Variants in GRM6 observed in about 807,000 individuals in gnomAD.
GRM6 encodes metabotropic glutamate receptor 6.
A neutral mutation model predicts 78.4 loss-of-function variants in GRM6; 73 were observed. The ratio of observed to expected loss-of-function variants is 0.93; its 90% CI spans 0.77 to 1.13. The LOEUF (loss-of-function observed/expected upper bound fraction) is 1.13, where lower values mean the gene tolerates loss of function less well. Ranked by LOEUF, GRM6 falls within the 50% of genes most tolerant of loss-of-function variation. The pLI, the probability that GRM6 is intolerant of heterozygous loss-of-function variation, is 0.00. For synonymous variants in GRM6, 580 were observed against 555.0 expected, an observed-to-expected ratio of 1.05 and a Z score of -0.63; for missense variants, 1,251 against 1,256.4, an observed-to-expected ratio of 1.00 and a Z score of 0.07.
rs1343720206 is a variant in GRM6, at chr5:178,994,746, G to A, written c.199C>T (p.His67Tyr). Residue 67 changes from histidine (H) to tyrosine (Y), a missense_variant, in exon 2 of 11, where the codon CAC becomes TAC. Transcript: ENST00000517717. The stretch of plus-strand genomic sequence containing the variant: ...GCGTACAGCATGGCCTCCAGCCGGT[G>A]CACGCCCTGCTCCTTCTTCAGCTGC... ...CGQLKKEQGV[H>Y]RLEAMLYALD... The A allele has an allele frequency of 7.0e-7, 1 of 1,438,690 alleles. No homozygotes were observed. The highest frequency in any genetic ancestry group is 9.1e-7 in the Non-Finnish European group (1 of 1,094,102). The allele number at this position is 1,438,690 out of a possible 1,614,324, so 89.1% of individuals were successfully genotyped here.
rs949807558 is a variant in GRM6 at position 178,988,748 on chromosome 5, G to A, written c.1354+187C>T. 1.3e-5 allele frequency among the ~76,000 whole-genome samples: 2 copies of A among 152,132 alleles called. No homozygotes were observed. Among genetic ancestry groups the A allele is most frequent in the Non-Finnish European group, 2.9e-5 (2 of 68,010 alleles). ...CAGCGCAGGGAACACTGAAGCCTGGGGAGGGAGCAGTGTTAAAAATTGGGG... is the reference window on the plus strand; with the variant it reads ...CAGCGCAGGGAACACTGAAGCCTGGAGAGGGAGCAGTGTTAAAAATTGGGG... On this transcript the variant is annotated intron_variant, in intron 7 of 10. Coordinates refer to ENST00000517717, the MANE Select transcript of GRM6 (RefSeq NM_000843.4). The surrounding 1 kb of genome is among the most constrained non-coding windows in gnomAD (Gnocchi z 6.0).
chr5:178,985,588 A>G (rs977181683), intron 9 of GRM6: 30 of 349,656 alleles, frequency 8.6e-5, no homozygotes, highest in African/African-American at 3.0e-4. Flanking sequence ...CTGTAGTCCC[A>G]GCTACTCGGG....
rs752889648 is a variant in GRM6 at position 178,986,681 on chromosome 5, C to T, written c.1573G>A (p.Gly525Arg). 13 of 1,603,614 alleles carry T rather than the reference C, an allele frequency of 8.1e-6. No individual in the cohort carries two copies. The highest frequency in any genetic ancestry group is 4.4e-5 in the South Asian group (4 of 91,092). Residue 525 changes from glycine to arginine, a missense_variant, in exon 9 of 11, where the codon GGG becomes AGG. By Grantham distance (125) the Gly-to-Arg change is moderately radical. Transcript: ENST00000517717. Reference protein sequence around the residue: ...SSLCSLPCGPGERKKMVKGVP... With the variant: ...SSLCSLPCGPRERKKMVKGVP... ...CCCTTCACCATCTTCTTCCGCTCCC[C>T]CGGCCCGCAGGGCAGGCTGCACAGA...
chr5:178,986,348 C>G lies in GRM6; in HGVS notation c.1906G>C (p.Ala636Pro). 1.2e-6 allele frequency: 2 copies of G among 1,614,098 alleles called. No homozygotes were observed. The highest frequency in any genetic ancestry group is 2.2e-5 in the South Asian group (2 of 91,074). The change falls in exon 9 of 11, where the codon GCC becomes CCC. Residue 636 changes from alanine (A) to proline (P), a missense_variant. Ala to Pro is a conservative substitution (Grantham distance 27, BLOSUM62 -1). Transcript: ENST00000517717. Reference protein sequence around the residue: ...VLLTGIFLIYAITFLMVAEPG... With the variant: ...VLLTGIFLIYPITFLMVAEPG... ...TCAGCCACCATGAGGAAGGTGATGG[C>G]GTAGATGAGGAAGATGCCGGTGAGG...
Position 178,991,506 on chromosome 5 carries a change from C to A in GRM6, c.775G>T (p.Glu259Ter). The change falls in exon 4 of 11, where the codon GAG becomes TAG. Residue 259 changes from glutamate (E) to a stop codon, truncating the protein, a stop_gained. Coordinates refer to ENST00000517717, the MANE Select transcript of GRM6 (RefSeq NM_000843.4). LOFTEE classifies it high-confidence loss of function. The surrounding 1 kb of genome is among the most constrained non-coding windows in gnomAD (Gnocchi z 5.0). ...AGTCTCCTGATCACCTTGCTGAACT[C>A]TCCTGGCTTTGGTTCCCTGGGAATC... ...IKIPREPKPG[E>*]FSKVIRRLME... 1 of 1,613,856 alleles carries A rather than the reference C, an allele frequency of 6.2e-7. No individual in the cohort carries two copies. Among genetic ancestry groups the A allele is most frequent in the Non-Finnish European group, 8.5e-7 (1 of 1,179,830 alleles).
chr5:178,987,054 G>C, intron 7 of GRM6, 71 bp from the exon 8 acceptor site: 1 of 1,490,858 alleles, frequency 6.7e-7, no homozygotes, highest in Non-Finnish European at 9.2e-7. Flanking sequence ...GAGGCCCCAG[G>C]GACCAGCAGG....
At position 178,988,636 on chromosome 5, in the gene GRM6, C is replaced by T. The variant is rs1441961172; in HGVS notation, c.1354+299G>A. 2.0e-5 allele frequency among the ~76,000 whole-genome samples: 3 copies of T among 152,280 alleles called. No homozygotes were observed. The highest frequency in any genetic ancestry group is 3.4e-3 in the Middle Eastern group (1 of 294). On this transcript the variant is annotated intron_variant, in intron 7 of 10. Coordinates refer to ENST00000517717, the MANE Select transcript of GRM6 (RefSeq NM_000843.4). This position sits in a 1 kb window ranked among gnomAD's most constrained non-coding sequence, Gnocchi z 6.0. ...AGGGTCCAGATGCCCTCAAGCTCTG[C>T]GCAGTGGAGGGGAGTGTGGTGTGAC...
In GRM6 at chr5:178,983,066, C is replaced by T. The variant is rs373413703; in HGVS notation, c.2280G>A (p.Leu760=). 3.1e-5 allele frequency: 50 copies of T among 1,614,074 alleles called. No homozygotes were observed. The African/African-American group carries it at 6.4e-4, about 21-fold the overall frequency. Residue 760 remains leucine, a synonymous_variant, in exon 10 of 11, where the codon CTG becomes CTA. Transcript: ENST00000517717. The stretch of plus-strand genomic sequence containing the variant: ...CGTACACTGTGCACGTGACCATGAG[C>T]AGGAGGCTGTAGCCCAGGCAGCCGA... The part of the protein sequence containing the change: ...SLIGCLGYSL[L]LMVTCTVYAI...
chr5:178,981,852 G>C lies in GRM6; in HGVS notation c.2439C>G (p.Ile813Met), dbSNP rs1337247241. The change falls in exon 11 of 11, where the codon ATC becomes ATG. Residue 813 changes from isoleucine to methionine, a missense_variant and splice_region_variant. Coordinates refer to ENST00000517717, the MANE Select transcript of GRM6 (RefSeq NM_000843.4). The surrounding 1 kb of genome is among the most constrained non-coding windows in gnomAD (Gnocchi z 5.1). ...CGGTTAGCGTGGTTGTCTGGATGTAGATCTAGGCCATGGAAGAGGGGACCA... is the reference window on the plus strand; with the variant it reads ...CGGTTAGCGTGGTTGTCTGGATGTACATCTAGGCCATGGAAGAGGGGACCA... ...FFGTAQSAEK[I>M]YIQTTTLTVS... 5 of 1,603,660 alleles carry C rather than the reference G, an allele frequency of 3.1e-6. No individual in the cohort carries two copies. The highest frequency in any genetic ancestry group is 8.5e-7 in the Non-Finnish European group (1 of 1,170,582).
At position 178,978,573 on chromosome 5, in the gene GRM6, CTTATA is replaced by C. The variant is rs1760331472; in HGVS notation, c.*3079_*3083del. On this transcript the variant is annotated 3_prime_UTR_variant, in exon 11 of 11. Coordinates refer to ENST00000517717, the MANE Select transcript of GRM6 (RefSeq NM_000843.4). ...CAACACAGTGGACCACAGGTGAGAC[CTTATA>C]AATAGGTGGTTAAAGCTTACATCAG... 6.6e-6 allele frequency: 1 copy of C among 152,160 alleles called. No individual in the cohort carries two copies. Among genetic ancestry groups the C allele is most frequent in the African/African-American group, 2.4e-5 (1 of 41,436 alleles). The allele number at this position is 152,160 out of a possible 1,614,324, so 9.4% of individuals were successfully genotyped here.
intron 10 of GRM6, among the ~76,000 whole-genome samples, chr5:178,982,576 C>CAAAAAAAAAAAAAAAA (rs70997654): frequency 5.0e-5 from 1 of 20,168 alleles, no homozygotes; most frequent in Non-Finnish European, 7.7e-5. Context: ...GACTCTGTCT[C>CAAAAAAAAAAAAAAAA]AAAAAAAAAA....
rs201778316 is a variant in GRM6 at position 178,991,566 on chromosome 5, G to T, written c.722-7C>A. The T allele has an allele frequency of 6.2e-7, 1 of 1,613,664 alleles. No homozygotes were observed. Among genetic ancestry groups the T allele is most frequent in the Non-Finnish European group, 8.5e-7 (1 of 1,179,794 alleles). Reference sequence around the variant, plus strand: ...TGGGCAATACAGACCCCCCCTGGGCGTTGGGGGTGCCAGAGTCAGCTTCCG... The same window carrying T: ...TGGGCAATACAGACCCCCCCTGGGCTTTGGGGGTGCCAGAGTCAGCTTCCG... On this transcript the variant is annotated splice_polypyrimidine_tract_variant and splice_region_variant and intron_variant, in intron 3 of 10. Coordinates refer to ENST00000517717, the MANE Select transcript of GRM6 (RefSeq NM_000843.4). This position sits in a 1 kb window ranked among gnomAD's most constrained non-coding sequence, Gnocchi z 5.0.
At position 178,988,146 on chromosome 5, in the gene GRM6, A is replaced by T. The variant is rs2113333879; in HGVS notation, c.1354+789T>A. 6.6e-6 allele frequency among the ~76,000 whole-genome samples: 1 copy of T among 152,340 alleles called. No individual in the cohort carries two copies. Among genetic ancestry groups the T allele is most frequent in the East Asian group, 1.9e-4 (1 of 5,188 alleles). On this transcript the variant is annotated intron_variant, in intron 7 of 10. Transcript: ENST00000517717. This position sits in a 1 kb window ranked among gnomAD's most constrained non-coding sequence, Gnocchi z 6.0. Reference sequence around the variant, plus strand: ...ATTATATGTATTTTATCACAATTAAAAATGAAAAAAGTTTCACTGTCCAGG... The same window carrying T: ...ATTATATGTATTTTATCACAATTAATAATGAAAAAAGTTTCACTGTCCAGG...
chr5:178,991,580 A>G lies in GRM6; in HGVS notation c.722-21T>C. 3 of 1,613,562 alleles carry G rather than the reference A, an allele frequency of 1.9e-6. No homozygotes were observed. Among genetic ancestry groups the G allele is most frequent in the Non-Finnish European group, 2.5e-6 (3 of 1,179,684 alleles). ...CCCCCCTGGGCGTTGGGGGTGCCAG[A>G]GTCAGCTTCCGTCCCACCCACCCAC... On this transcript the variant is annotated intron_variant, in intron 3 of 10. Coordinates refer to ENST00000517717, the MANE Select transcript of GRM6 (RefSeq NM_000843.4). This position sits in a 1 kb window ranked among gnomAD's most constrained non-coding sequence, Gnocchi z 5.0.
intron 10 of GRM6, among the ~76,000 whole-genome samples, chr5:178,982,402 A>G (rs1454215550): frequency 6.6e-6 from 1 of 151,646 alleles, no homozygotes; most frequent in African/African-American, 2.4e-5. Flanking sequence ...ATATGGTGAA[A>G]CCCCATCTCT....
rs867185590 is a variant in GRM6 at position 178,986,254 on chromosome 5, G to T, written c.2000C>A (p.Ala667Asp). 1.8e-5 allele frequency: 29 copies of T among 1,614,180 alleles called. No homozygotes were observed. Among genetic ancestry groups the T allele is most frequent in the Non-Finnish European group, 2.4e-5 (28 of 1,180,024 alleles). Residue 667 changes from alanine to aspartate, a missense_variant, in exon 9 of 11, where the codon GCC becomes GAC. Ala to Asp is a moderately radical substitution (Grantham distance 126). Coordinates refer to ENST00000517717, the MANE Select transcript of GRM6 (RefSeq NM_000843.4). ...LGLGTTLSYS[A>D]LLTKTNRIYR... ...GATACGGTTGGTCTTGGTGAGCAGG[G>T]CAGAGTAGCTGAGGGTCGTGCCCAG...
At chr5:178,982,777 A>C in intron 10 of GRM6, 133 bp downstream of exon 10, 1 of 688,292 alleles carries the variant, frequency 1.5e-6, no homozygotes, top group Admixed American at 2.1e-5. Context: ...CAAAGTAAGA[A>C]GGGAATGAGT....
Position 178,991,698 on chromosome 5 carries a change from G to T in GRM6, c.722-139C>A. 1 of 1,230,042 alleles carries T rather than the reference G, an allele frequency of 8.1e-7. No individual in the cohort carries two copies. Among genetic ancestry groups the T allele is most frequent in the Non-Finnish European group, 1.2e-6 (1 of 839,486 alleles). The allele number at this position is 1,230,042 out of a possible 1,614,324, so 76.2% of individuals were successfully genotyped here. A position where few individuals can be genotyped will look rare whatever the true frequency, so the allele number is the denominator to read the frequency against. On this transcript the variant is annotated intron_variant, in intron 3 of 10. Transcript: ENST00000517717. The surrounding 1 kb of genome is among the most constrained non-coding windows in gnomAD (Gnocchi z 5.0). The stretch of plus-strand genomic sequence containing the variant: ...GGCCTGCACCCTCCGCCAAGCCTGA[G>T]GCAGGGCTGAGTCGTCCAAAACAAA...
chr5:178,990,185 G>C, intron 5 of GRM6: 1 of 286,692 alleles, frequency 3.5e-6, no homozygotes, highest in Non-Finnish European at 6.8e-6. Flanking sequence ...ATCTGTTCCT[G>C]CTGGATTCAT....
Sources: allele counts gnomAD v4.1 joint callset (sites outside exome capture counted in the v4.1 genomes callset), GRCh38; gene constraint gnomAD v4.1.1; non-coding constraint Gnocchi (gnomAD v3.1); transcripts MANE v1.5; gene names NCBI Gene and HGNC (gene_info 2026-07-23, HGNC 2026-07-21).